UBE2H: variants seen among roughly 807,000 people sequenced by gnomAD.
The protein encoded by UBE2H is ubiquitin conjugating enzyme E2 H, also known as ubiquitin-conjugating enzyme E2 H.
Under a neutral mutation model 29.0 loss-of-function variants are expected in UBE2H, and 3 were observed. The ratio of observed to expected loss-of-function variants is 0.10; its 90% CI spans 0.05 to 0.27. The LOEUF (loss-of-function observed/expected upper bound fraction) is 0.27, where lower values mean the gene tolerates loss of function less well. Among genes scored for constraint, UBE2H ranks in the 10% least tolerant of loss-of-function variants. The pLI is 1.00. For synonymous variants in UBE2H, 69 were observed against 82.9 expected (o/e 0.83, Z 0.91); for missense variants, 68 against 228.2 (o/e 0.30, Z 4.52).
chr7:129,849,797 C>T (rs768250509), intron 5 of UBE2H, among the ~76,000 whole-genome samples: 16 of 151,958 alleles, frequency 1.1e-4, no homozygotes, highest in African/African-American at 3.9e-4. Context: ...TAATATAACC[C>T]GCCACCAAAT....
At chr7:129,920,500 T>C (rs1470205729) in intron 1 of UBE2H, among the ~76,000 whole-genome samples, 2 of 152,164 alleles carry the variant, frequency 1.3e-5, no homozygotes, top group South Asian at 2.1e-4. Flanking sequence ...GTAAAGCTAC[T>C]AGAATACTTC....
chr7:129,852,928 T>C (rs1805637589), intron 5 of UBE2H, among the ~76,000 whole-genome samples: 1 of 152,168 alleles, frequency 6.6e-6, no homozygotes, highest in Admixed American at 6.5e-5. Context: ...TTTCTCCATG[T>C]TGGTTATGGC....
chr7:129,921,569 C>T (rs1807162871), intron 1 of UBE2H, among the ~76,000 whole-genome samples: 1 of 151,682 alleles, frequency 6.6e-6, no homozygotes, highest in South Asian at 2.1e-4. Context: ...CATGGTGGCA[C>T]ACGTCTGTGG....
At chr7:129,879,861 A>AT (rs1300430421) in intron 2 of UBE2H, among the ~76,000 whole-genome samples, 4 of 152,224 alleles carry the variant, frequency 2.6e-5, no homozygotes, top group Non-Finnish European at 5.9e-5. Flanking sequence ...TCATTCTGCA[A>AT]TTTACTTGAT....
intron 5 of UBE2H, among the ~76,000 whole-genome samples, chr7:129,848,305 T>A (rs751570559): frequency 1.3e-5 from 2 of 152,222 alleles, no homozygotes; most frequent in Non-Finnish European, 2.9e-5. Flanking sequence ...AAATTCTGCA[T>A]CCTCCAGAAG....
chr7:129,939,966 A>AAAAG (rs111951262), intron 1 of UBE2H, among the ~76,000 whole-genome samples: 26 of 152,094 alleles, frequency 1.7e-4, no homozygotes, highest in South Asian at 8.3e-4. Context: ...CTCAAAAAAA[A>AAAAG]AAAGAAAGAA....
chr7:129,853,240 A>G (rs1199714294), intron 5 of UBE2H, among the ~76,000 whole-genome samples: 1 of 152,220 alleles, frequency 6.6e-6, no homozygotes, highest in African/African-American at 2.4e-5. Context: ...TTTTGGAGAA[A>G]AAAAGGAAAA....
At chr7:129,920,001 T>A (rs1462304010) in intron 1 of UBE2H, among the ~76,000 whole-genome samples, 4 of 152,058 alleles carry the variant, frequency 2.6e-5, no homozygotes, top group Admixed American at 2.6e-4. Flanking sequence ...ATTTTTCATC[T>A]CTCGCCAAGC....
At chr7:129,907,724 T>C (rs1336504138) in intron 1 of UBE2H, among the ~76,000 whole-genome samples, 1 of 151,358 alleles carries the variant, frequency 6.6e-6, no homozygotes, top group Non-Finnish European at 1.5e-5. Flanking sequence ...TATACATGTG[T>C]CAAAACTCAT....
At chr7:129,873,112 G>A (rs868676910) in intron 3 of UBE2H, among the ~76,000 whole-genome samples, 4 of 148,840 alleles carry the variant, frequency 2.7e-5, no homozygotes, top group Admixed American at 6.8e-5. Context: ...TCCGCCTCCC[G>A]GGTTCACGCC....
At chr7:129,952,436 G>T (rs1584807816) in intron 1 of UBE2H, 67 bp downstream of exon 1, 3 of 1,151,218 alleles carry the variant, frequency 2.6e-6, no homozygotes, top group East Asian at 6.9e-5. Context: ...CAGTGGTTCC[G>T]GGGGTGCCCT....
At chr7:129,895,109 A>G (rs1231615473) in intron 1 of UBE2H, among the ~76,000 whole-genome samples, 1 of 152,222 alleles carries the variant, frequency 6.6e-6, no homozygotes, top group Non-Finnish European at 1.5e-5. Flanking sequence ...TCAGGAAATT[A>G]TAAAATAATT....
chr7:129,944,661 C>G (rs1393154665), intron 1 of UBE2H, among the ~76,000 whole-genome samples: 1 of 151,742 alleles, frequency 6.6e-6, no homozygotes, highest in Non-Finnish European at 1.5e-5. Context: ...GAACTCTCAT[C>G]TGGGCAACAG....
intron 1 of UBE2H, among the ~76,000 whole-genome samples, chr7:129,939,098 CTCTAGTTTGAATTAATGA>C (rs1045843039): frequency 1.3e-5 from 2 of 152,178 alleles, no homozygotes; most frequent in African/African-American, 2.4e-5. Flanking sequence ...CACGCCCGGC[CTCTAGTTTGAATTAATGA>C]TCTGATCAAG....
At chr7:129,909,299 A>C (rs1173923945) in intron 1 of UBE2H, among the ~76,000 whole-genome samples, 1 of 152,212 alleles carries the variant, frequency 6.6e-6, no homozygotes, top group Non-Finnish European at 1.5e-5. Flanking sequence ...TCCCCGCCCC[A>C]CTGATACCTA....
intron 1 of UBE2H, among the ~76,000 whole-genome samples, chr7:129,950,485 T>C (rs1807852387): frequency 6.6e-6 from 1 of 152,136 alleles, no homozygotes; most frequent in Non-Finnish European, 1.5e-5. Context: ...GTAATCATTC[T>C]AGATGCCACA....
intron 1 of UBE2H, among the ~76,000 whole-genome samples, chr7:129,943,880 G>A (rs919202242): frequency 3.9e-5 from 6 of 151,910 alleles, no homozygotes; most frequent in African/African-American, 1.5e-4. Flanking sequence ...GACTGATTCT[G>A]TCTTTAAAAA....
rs1219362866 is a variant in UBE2H, at chr7:129,872,726, C to G, written c.205+6842G>C. On this transcript the variant is annotated intron_variant, in intron 3 of 6. Coordinates refer to ENST00000355621, the MANE Select transcript of UBE2H (RefSeq NM_003344.4). ...GGCATGATGGAGCATGCCTGTAATC[C>G]CAGCTACTCAGGAGGCTGAGGCAGG... Among the ~76,000 whole-genome samples, 4 of 151,268 alleles carry G rather than the reference C, an allele frequency of 2.6e-5. No individual in the cohort carries two copies. In the East Asian group the frequency reaches 7.9e-4, roughly 30 times the overall value.
chr7:129,837,034 C>G (rs949607109), intron 6 of UBE2H, among the ~76,000 whole-genome samples: 7 of 152,190 alleles, frequency 4.6e-5, no homozygotes, highest in African/African-American at 1.4e-4. Flanking sequence ...CCAATGGTGC[C>G]CAGTGCTACG....
Sources: allele counts gnomAD v4.1 joint callset (sites outside exome capture counted in the v4.1 genomes callset), GRCh38; gene constraint gnomAD v4.1.1; transcripts MANE v1.5; gene names NCBI Gene and HGNC (gene_info 2026-07-23, HGNC 2026-07-21).